DNAH8: variants seen among roughly 807,000 people sequenced by gnomAD.
The protein encoded by DNAH8 is dynein axonemal heavy chain 8.
Under a neutral mutation model 562.1 loss-of-function variants are expected in DNAH8, and 382 were observed. The ratio of observed to expected loss-of-function variants is 0.68; its 90% CI spans 0.63 to 0.74. The LOEUF is 0.74. Among genes scored for constraint, DNAH8 ranks in the 30% least tolerant of loss-of-function variants. The pLI is 0.00. For missense variants in DNAH8, 5,203 were observed against 5,620.4 expected (o/e 0.93, Z 2.37); for synonymous variants, 1,881 against 1,919.4 (o/e 0.98, Z 0.52).
intron 29 of DNAH8, among the ~76,000 whole-genome samples, chr6:38,827,866 A>T (rs772794711): frequency 1.1e-4 from 16 of 145,500 alleles, no homozygotes; most frequent in Non-Finnish European, 2.1e-4. Flanking sequence ...TGTTCCTTGT[A>T]TAGTCAACCC....
At position 38,834,485 on chromosome 6, in the gene DNAH8, CT is replaced by C; in HGVS notation, c.4303-92del. On this transcript the variant is annotated intron_variant, in intron 31 of 92. Transcript: ENST00000327475. ...TTAAATAATTTAAATTAAAAAAATG[CT>C]TGTTTACTTAAATGGAAATAATAGA... 7.4e-6 allele frequency: 6 copies of C among 808,136 alleles called. No homozygotes were observed. The South Asian group carries it at 8.2e-5, about 11-fold the overall frequency. The allele number at this position is 808,136 out of a possible 1,614,324, so 50.1% of individuals were successfully genotyped here. A position where few individuals can be genotyped will look rare whatever the true frequency, so the allele number is the denominator to read the frequency against.
At position 38,935,515 on chromosome 6, in the gene DNAH8, T is replaced by C. The variant is rs151275210; in HGVS notation, c.11458-77T>C. 340 of 968,874 alleles carry C rather than the reference T, an allele frequency of 3.5e-4. 1 individual carries two copies. In the African/African-American group the frequency reaches 5.2e-3, roughly 15 times the overall value. 60.0% of individuals were successfully genotyped at this position (968,874 alleles called of 1,614,324 possible). On this transcript the variant is annotated intron_variant, in intron 76 of 92. Coordinates refer to ENST00000327475, the MANE Select transcript of DNAH8 (RefSeq NM_001206927.2). ...TGCTTTAAACTTTTAAAATTGTTAATAAACACTAGTGAGTTGGGTTTACTG... is the reference window on the plus strand; with the variant it reads ...TGCTTTAAACTTTTAAAATTGTTAACAAACACTAGTGAGTTGGGTTTACTG...
At chr6:38,742,936 T>C (rs1764632404) in intron 8 of DNAH8, among the ~76,000 whole-genome samples, 1 of 151,918 alleles carries the variant, frequency 6.6e-6, no homozygotes, top group Middle Eastern at 3.4e-3. Context: ...CCTGATAGTA[T>C]ATCTTGGAGA....
chr6:38,830,371 A>G (rs1773722148), intron 30 of DNAH8, among the ~76,000 whole-genome samples: 1 of 152,024 alleles, frequency 6.6e-6, no homozygotes, highest in Non-Finnish European at 1.5e-5. Flanking sequence ...ATGGTGGCTC[A>G]TGCCTGTAAT....
chr6:38,798,968 A>G (rs1227278494), intron 21 of DNAH8, among the ~76,000 whole-genome samples: 1 of 152,130 alleles, frequency 6.6e-6, no homozygotes, highest in African/African-American at 2.4e-5. Flanking sequence ...CAAGGAGGGA[A>G]TGGGAAAGAA....
chr6:38,898,923 A>G (rs964285681), intron 61 of DNAH8, among the ~76,000 whole-genome samples: 1 of 152,132 alleles, frequency 6.6e-6, no homozygotes, highest in African/African-American at 2.4e-5. Context: ...CCGTGGCTAG[A>G]TCTTGAGGTT....
At chr6:38,966,380 A>T (rs970752588) in intron 82 of DNAH8, among the ~76,000 whole-genome samples, 5 of 152,202 alleles carry the variant, frequency 3.3e-5, no homozygotes, top group African/African-American at 1.2e-4. Flanking sequence ...TTAGTCCCAG[A>T]TGGCTTCATT....
chr6:38,775,693 A>C, intron 12 of DNAH8, 61 bp from the exon 13 acceptor site: 1 of 1,040,038 alleles, frequency 9.6e-7, no homozygotes. Context: ...TTAAGAGCTT[A>C]TTTTAGGGAA....
chr6:38,941,958 GA>G (rs1246026033), intron 79 of DNAH8, among the ~76,000 whole-genome samples: 1 of 152,174 alleles, frequency 6.6e-6, no homozygotes, highest in Non-Finnish European at 1.5e-5. Flanking sequence ...ATTAGGTCAT[GA>G]GGGTAGAGCT....
chr6:38,767,639 A>G (rs1767146738), intron 11 of DNAH8, among the ~76,000 whole-genome samples: 1 of 152,180 alleles, frequency 6.6e-6, no homozygotes, highest in South Asian at 2.1e-4. Flanking sequence ...GATTCCCTTT[A>G]TAGCTGAGTA....
intron 56 of DNAH8, among the ~76,000 whole-genome samples, chr6:38,886,308 G>T (rs972620026): frequency 5.9e-5 from 9 of 152,248 alleles, no homozygotes; most frequent in Non-Finnish European, 1.3e-4. Flanking sequence ...TTCCAAGGAG[G>T]GGGGTTGGCA....
chr6:38,732,806 G>T (rs191478067), intron 4 of DNAH8, among the ~76,000 whole-genome samples: 1 of 152,250 alleles, frequency 6.6e-6, no homozygotes, highest in East Asian at 1.9e-4. Flanking sequence ...CAGGGCAGGA[G>T]GAATCTCCCA....
Position 39,030,446 on chromosome 6 carries a change from T to A in DNAH8, c.*54T>A. On this transcript the variant is annotated 3_prime_UTR_variant, in exon 93 of 93. Coordinates refer to ENST00000327475, the MANE Select transcript of DNAH8 (RefSeq NM_001206927.2). ...AACCCACATAGACAGCCTGTGCTATTGAGGGACTCAGTGATGTGTGTGTCT... is the reference window on the plus strand; with the variant it reads ...AACCCACATAGACAGCCTGTGCTATAGAGGGACTCAGTGATGTGTGTGTCT... 1.3e-6 allele frequency: 2 copies of A among 1,483,438 alleles called. No homozygotes were observed. The highest frequency in any genetic ancestry group is 2.8e-5 in the African/African-American group (2 of 72,400). The allele number at this position is 1,483,438 out of a possible 1,614,324, so 91.9% of individuals were successfully genotyped here. A position where few individuals can be genotyped will look rare whatever the true frequency, so the allele number is the denominator to read the frequency against.
intron 85 of DNAH8, among the ~76,000 whole-genome samples, chr6:38,976,848 G>C (rs1763711692): frequency 6.6e-6 from 1 of 152,152 alleles, no homozygotes; most frequent in African/African-American, 2.4e-5. Context: ...ATGTACTTTT[G>C]TTCTTGCAGA....
chr6:38,976,916 G>T (rs770356513), intron 85 of DNAH8, among the ~76,000 whole-genome samples: 2 of 152,166 alleles, frequency 1.3e-5, no homozygotes, highest in Non-Finnish European at 2.9e-5. Flanking sequence ...GTTCATGCTG[G>T]AGTTCATCCC....
rs764716351 is a variant in DNAH8 at position 38,896,065 on chromosome 6, A to G, written c.8780A>G (p.Asn2927Ser). The G allele has an allele frequency of 6.2e-7, 1 of 1,613,870 alleles. No homozygotes were observed. The highest frequency in any genetic ancestry group is 1.1e-5 in the South Asian group (1 of 90,996). Residue 2927 changes from asparagine (N) to serine (S), a missense_variant, in exon 60 of 93, where the codon AAT becomes AGT. Asn to Ser is a conservative substitution (Grantham distance 46, BLOSUM62 1). Transcript: ENST00000327475. ...ACTCCTGAAGATGAGCAGTGGTTTA[A>G]TGCACATCTTACTCGTGCAGTTGAA... ...FITPEDEQWFNAHLTRAVEEN... is the reference protein window; with the variant it reads ...FITPEDEQWFSAHLTRAVEEN...
At chr6:38,719,915 C>T (rs181805973) in intron 1 of DNAH8, among the ~76,000 whole-genome samples, 1 of 152,124 alleles carries the variant, frequency 6.6e-6, no homozygotes, top group Non-Finnish European at 1.5e-5. Flanking sequence ...TCTCCCTTAC[C>T]ACCAGAAAAT....
intron 10 of DNAH8, 109 bp from the exon 11 acceptor site, chr6:38,761,593 G>T: frequency 3.2e-6 from 2 of 622,852 alleles, no homozygotes; most frequent in East Asian, 3.7e-5. Flanking sequence ...ACTGCACTTG[G>T]CCCATAGGTT....
intron 31 of DNAH8, among the ~76,000 whole-genome samples, chr6:38,833,402 T>A (rs1774012662): frequency 6.6e-6 from 1 of 152,106 alleles, no homozygotes; most frequent in African/African-American, 2.4e-5. Flanking sequence ...AACATATCTG[T>A]TGATTTGCCC....
Sources: allele counts gnomAD v4.1 joint callset (sites outside exome capture counted in the v4.1 genomes callset), GRCh38; gene constraint gnomAD v4.1.1; transcripts MANE v1.5; gene names NCBI Gene and HGNC (gene_info 2026-07-23, HGNC 2026-07-21).